Variants in HDAC9 observed in about 807,000 individuals in gnomAD.
The protein encoded by HDAC9 is histone deacetylase 9.
A neutral mutation model predicts 139.4 loss-of-function variants in HDAC9; 41 were observed. That is an observed-to-expected ratio of 0.29 (90% CI 0.23 to 0.38). The LOEUF is 0.38. Among genes scored for constraint, HDAC9 ranks in the 10% least tolerant of loss-of-function variants. The pLI is 1.00. For missense variants in HDAC9, 1,147 were observed against 1,297.0 expected (o/e 0.88, Z 1.78); for synonymous variants, 517 against 476.2 (o/e 1.09, Z -1.12).
intron 2 of HDAC9, among the ~76,000 whole-genome samples, chr7:18,280,926 C>G (rs754528730): frequency 5.3e-5 from 8 of 152,090 alleles, no homozygotes; most frequent in Non-Finnish European, 1.2e-4. Context: ...CTTCTTTGTT[C>G]GCTTAATGTT....
At chr7:18,926,033 T>A (rs2129300789) in intron 22 of HDAC9, among the ~76,000 whole-genome samples, 1 of 152,216 alleles carries the variant, frequency 6.6e-6, no homozygotes. Flanking sequence ...CTGTAATTGT[T>A]AAATGAAAAG....
intron 1 of HDAC9, among the ~76,000 whole-genome samples, chr7:18,151,087 G>T (rs1236871620): frequency 3.3e-5 from 5 of 152,022 alleles, no homozygotes; most frequent in African/African-American, 1.2e-4. Flanking sequence ...TGCAGAACTG[G>T]AATATAAAAG....
chr7:18,548,221 A>C (rs984375183), intron 2 of HDAC9, among the ~76,000 whole-genome samples: 1 of 152,116 alleles, frequency 6.6e-6, no homozygotes, highest in Non-Finnish European at 1.5e-5. Flanking sequence ...ACATTTACAG[A>C]TTAAGTTCGC....
chr7:18,947,584 A>G (rs977372862), intron 23 of HDAC9, among the ~76,000 whole-genome samples: 9 of 152,144 alleles, frequency 5.9e-5, no homozygotes, highest in Admixed American at 2.6e-4. Context: ...TGGTTCTTTA[A>G]TTACTTACAA....
At chr7:18,365,306 G>A (rs887731846) in intron 1 of HDAC9, among the ~76,000 whole-genome samples, 3 of 152,014 alleles carry the variant, frequency 2.0e-5, no homozygotes, top group Admixed American at 2.0e-4. Flanking sequence ...GAGCTGCATG[G>A]AATATTGTGT....
intron 23 of HDAC9, among the ~76,000 whole-genome samples, chr7:18,950,501 G>C (rs754681180): frequency 6.6e-6 from 1 of 151,972 alleles, no homozygotes; most frequent in Non-Finnish European, 1.5e-5. Flanking sequence ...CAGAATAAAG[G>C]CCACCTCTTC....
At chr7:18,991,438 C>G (rs963940569) in intron 25 of HDAC9, among the ~76,000 whole-genome samples, 3 of 152,118 alleles carry the variant, frequency 2.0e-5, no homozygotes, top group Non-Finnish European at 4.4e-5. Context: ...CAGATCAAGA[C>G]CATCCTGGCT....
At chr7:18,318,093 T>G (rs1330811765) in intron 1 of HDAC9, among the ~76,000 whole-genome samples, 4 of 152,092 alleles carry the variant, frequency 2.6e-5, no homozygotes, top group Admixed American at 6.5e-5. Flanking sequence ...GGAAAAGAAT[T>G]ATATCAGAGC....
rs1227884418 is a variant in HDAC9, at chr7:18,790,633, A to G, written c.2215-2712A>G. ...CAGAATTAAGTACAATTACCTATTT[A>G]TGAACAGATTATATCCACAAAACTT... On this transcript the variant is annotated intron_variant, in intron 16 of 25. Coordinates refer to ENST00000686413, the MANE Select transcript of HDAC9 (RefSeq NM_178425.4). 7.2e-5 allele frequency among the ~76,000 whole-genome samples: 11 copies of G among 152,346 alleles called. No individual in the cohort carries two copies. In the East Asian group the frequency reaches 1.7e-3, roughly 24 times the overall value.
Position 18,221,106 on chromosome 7 carries a change from CT to C in HDAC9, c.25+58770del, listed in dbSNP as rs537033538. The stretch of plus-strand genomic sequence containing the variant: ...TCTATAATATTTTGCATTTCTATTC[CT>C]TTTTTTTTTTTTGTGACGGAGTTTC... On this transcript the variant is annotated intron_variant, in intron 2 of 12. Transcript: ENST00000417496. 8.0e-3 allele frequency among the ~76,000 whole-genome samples: 1,119 copies of C among 139,524 alleles called. 10 individuals carry two copies. The highest frequency in any genetic ancestry group is 0.07 in the Middle Eastern group (19 of 272). The allele number at this position is 139,524 out of a possible 152,430, so 91.5% of individuals were successfully genotyped here. A position where few individuals can be genotyped will look rare whatever the true frequency, so the allele number is the denominator to read the frequency against.
intron 16 of HDAC9, among the ~76,000 whole-genome samples, chr7:18,789,286 GCACA>G (rs34385627): frequency 2.3e-4 from 34 of 148,480 alleles, no homozygotes; most frequent in South Asian, 8.7e-4. Flanking sequence ...ACACATACAC[GCACA>G]CACACACACA....
intron 12 of HDAC9, among the ~76,000 whole-genome samples, chr7:18,699,012 A>T (rs980232423): frequency 6.6e-6 from 1 of 152,184 alleles, no homozygotes; most frequent in Non-Finnish European, 1.5e-5. Flanking sequence ...AATGCACAAT[A>T]GTTCGTCTTC....
chr7:18,668,688 G>T (rs1366038472), intron 12 of HDAC9: 2 of 975,930 alleles, frequency 2.0e-6, no homozygotes, highest in Non-Finnish European at 2.4e-6. Flanking sequence ...AGAATTAATT[G>T]ATAAATGTCT....
At chr7:18,568,094 A>G (rs1823061862) in intron 2 of HDAC9, among the ~76,000 whole-genome samples, 1 of 148,684 alleles carries the variant, frequency 6.7e-6, no homozygotes. Context: ...ACAGATTGGA[A>G]CAGTCTATGT....
chr7:18,782,195 C>T (rs1289609714), intron 16 of HDAC9, among the ~76,000 whole-genome samples: 1 of 152,094 alleles, frequency 6.6e-6, no homozygotes, highest in African/African-American at 2.4e-5. Context: ...CATTTCCCAA[C>T]TTTCAGGGTG....
chr7:18,509,056 A>G (rs1048712541), intron 2 of HDAC9, among the ~76,000 whole-genome samples: 2 of 152,238 alleles, frequency 1.3e-5, no homozygotes, highest in African/African-American at 4.8e-5. Context: ...TTTTTTAAAA[A>G]GGGAGAAACA....
chr7:18,329,447 TTAAAA>T (rs1466676867), intron 1 of HDAC9, among the ~76,000 whole-genome samples: 2 of 151,596 alleles, frequency 1.3e-5, no homozygotes, highest in Non-Finnish European at 2.9e-5. Context: ...TATTTGTCAG[TTAAAA>T]TAAATATGTA....
intron 2 of HDAC9, among the ~76,000 whole-genome samples, chr7:18,217,498 CTTA>C (rs1792403066): frequency 6.6e-6 from 1 of 151,900 alleles, no homozygotes; most frequent in South Asian, 2.1e-4. Flanking sequence ...CTTATTTTCT[CTTA>C]TTTTTTATTT....
chr7:18,704,237 C>T (rs1015550629), intron 12 of HDAC9, among the ~76,000 whole-genome samples: 1 of 152,190 alleles, frequency 6.6e-6, no homozygotes, highest in Non-Finnish European at 1.5e-5. Flanking sequence ...TCGGATTCAC[C>T]AAGGTGCAGT....
Sources: gnomAD v4.1 joint callset for allele counts (sites outside exome capture counted in the v4.1 genomes callset) on GRCh38, gnomAD v4.1.1 for gene constraint, MANE v1.5 for transcripts, NCBI Gene and HGNC (gene_info 2026-07-23, HGNC 2026-07-21) for gene names.